Variants in PAPSS1 observed in about 807,000 individuals in gnomAD.
PAPSS1 encodes bifunctional 3'-phosphoadenosine 5'-phosphosulfate synthase 1.
Under a neutral mutation model 72.0 loss-of-function variants are expected in PAPSS1, and 50 were observed. The observed-to-expected ratio is 0.69, with a 90% CI of 0.55 to 0.88. The LOEUF (loss-of-function observed/expected upper bound fraction) is 0.88, where lower values mean the gene tolerates loss of function less well. Among genes scored for constraint, PAPSS1 ranks in the 40% least tolerant of loss-of-function variants. PAPSS1 has a pLI of 0.00. For synonymous variants in PAPSS1, 261 were observed against 263.6 expected (o/e 0.99, Z 0.09); for missense variants, 657 against 782.2 (o/e 0.84, Z 1.91).
chr4:107,626,497 A>T (rs112863381), intron 11 of PAPSS1, among the ~76,000 whole-genome samples: 3,369 of 152,310 alleles, frequency 0.022, 63 homozygotes, highest in Non-Finnish European at 0.028. Context: ...TTGTAGTCCT[A>T]AAACTAAATT....
intron 5 of PAPSS1, among the ~76,000 whole-genome samples, chr4:107,673,476 AT>A (rs1727552813): frequency 6.6e-6 from 1 of 152,218 alleles, no homozygotes; most frequent in Non-Finnish European, 1.5e-5. Flanking sequence ...GGAAGATTAA[AT>A]GAATGAAATG....
chr4:107,656,763 G>A (rs1727022737), intron 7 of PAPSS1, 133 bp downstream of exon 7: 1 of 656,454 alleles, frequency 1.5e-6, no homozygotes, highest in South Asian at 1.9e-5. Flanking sequence ...GTTCGGTACT[G>A]ATATAACTTA....
chr4:107,660,507 G>T (rs560767265), intron 5 of PAPSS1, among the ~76,000 whole-genome samples: 1 of 152,014 alleles, frequency 6.6e-6, no homozygotes, highest in Non-Finnish European at 1.5e-5. Context: ...TTTTACCCAA[G>T]CAACACGGTA....
intron 11 of PAPSS1, among the ~76,000 whole-genome samples, chr4:107,618,332 A>C (rs1289474987): frequency 6.6e-6 from 1 of 152,038 alleles, no homozygotes; most frequent in African/African-American, 2.4e-5. Flanking sequence ...AAAGAGATAG[A>C]GCAGTGAAAT....
intron 11 of PAPSS1, among the ~76,000 whole-genome samples, chr4:107,630,285 G>A (rs549582401): frequency 3.3e-5 from 5 of 152,236 alleles, no homozygotes; most frequent in South Asian, 2.1e-4. Context: ...GTCCCCTCAC[G>A]TATGTTTGAT....
chr4:107,676,950 A>C (rs1231535457), intron 5 of PAPSS1, among the ~76,000 whole-genome samples: 1 of 152,256 alleles, frequency 6.6e-6, no homozygotes, highest in Non-Finnish European at 1.5e-5. Flanking sequence ...TTCCCTATTT[A>C]ATAAATGGTG....
chr4:107,700,156 A>G (rs1723170790), intron 2 of PAPSS1, among the ~76,000 whole-genome samples: 1 of 152,218 alleles, frequency 6.6e-6, no homozygotes, highest in Non-Finnish European at 1.5e-5. Flanking sequence ...AAAAAAACAA[A>G]AGAGTAACTT....
chr4:107,711,886 G>A (rs946294704), intron 1 of PAPSS1, among the ~76,000 whole-genome samples: 2 of 152,164 alleles, frequency 1.3e-5, no homozygotes, highest in Admixed American at 6.5e-5. Context: ...AGGATGTTGA[G>A]AAAACAACTT....
At chr4:107,697,098 C>T (rs956994232) in intron 2 of PAPSS1, among the ~76,000 whole-genome samples, 1 of 152,152 alleles carries the variant, frequency 6.6e-6, no homozygotes, top group Non-Finnish European at 1.5e-5. Flanking sequence ...TTGAGACCAC[C>T]ATGCTAACGT....
chr4:107,712,789 C>T (rs919773562), intron 1 of PAPSS1, among the ~76,000 whole-genome samples: 2 of 151,398 alleles, frequency 1.3e-5, no homozygotes, highest in Admixed American at 1.3e-4. Flanking sequence ...AGGAGAACAG[C>T]TTGAACCAGG....
chr4:107,637,734 G>A (rs1426601569), intron 10 of PAPSS1, among the ~76,000 whole-genome samples: 1 of 152,064 alleles, frequency 6.6e-6, no homozygotes, highest in Non-Finnish European at 1.5e-5. Context: ...AAGAACATCA[G>A]GCACAGAAAC....
At chr4:107,673,063 G>A (rs113713578) in intron 5 of PAPSS1, among the ~76,000 whole-genome samples, 5,714 of 152,114 alleles carry the variant, frequency 0.038, 327 homozygotes, top group African/African-American at 0.13. Flanking sequence ...CCATCTGTAC[G>A]TCACCATCAT....
At chr4:107,626,706 CG>C (rs1372772942) in intron 11 of PAPSS1, among the ~76,000 whole-genome samples, 4 of 152,120 alleles carry the variant, frequency 2.6e-5, no homozygotes, top group Non-Finnish European at 5.9e-5. Context: ...TAAAACCTGG[CG>C]CTGAGTAACA....
At position 107,702,878 on chromosome 4, in the gene PAPSS1, T is replaced by C. The variant is rs6836912; in HGVS notation, c.61-1593A>G. On this transcript the variant is annotated intron_variant, in intron 1 of 11. Transcript: ENST00000265174. Reference sequence around the variant, plus strand: ...CATCCTTTCATTATACACCTAGTAGTGGGATTGCTGGATCATATGGTAGTT... The same window carrying C: ...CATCCTTTCATTATACACCTAGTAGCGGGATTGCTGGATCATATGGTAGTT... Among the ~76,000 whole-genome samples the C allele has an allele frequency of 5.5e-3, 843 of 152,316 alleles. 8 individuals are homozygous for C. The highest frequency in any genetic ancestry group is 0.019 in the African/African-American group (792 of 41,574).
At chr4:107,615,797 C>A (rs1725804891) in intron 11 of PAPSS1, among the ~76,000 whole-genome samples, 1 of 152,060 alleles carries the variant, frequency 6.6e-6, no homozygotes, top group Non-Finnish European at 1.5e-5. Flanking sequence ...TTAAATGAGG[C>A]CAAAAGGGTG....
At chr4:107,704,546 T>G (rs1723286760) in intron 1 of PAPSS1, among the ~76,000 whole-genome samples, 1 of 152,280 alleles carries the variant, frequency 6.6e-6, no homozygotes, top group South Asian at 2.1e-4. Context: ...TTGTTGAGAG[T>G]TTTTATCATA....
chr4:107,703,435 CCTAAA>C (rs980026521), intron 1 of PAPSS1, among the ~76,000 whole-genome samples: 3 of 150,706 alleles, frequency 2.0e-5, no homozygotes, highest in East Asian at 3.9e-4. Context: ...AAAATCACTG[CCTAAA>C]CTAGTGTCAT....
chr4:107,669,809 C>A (rs911184752), intron 5 of PAPSS1, among the ~76,000 whole-genome samples: 51 of 152,300 alleles, frequency 3.3e-4, no homozygotes, highest in African/African-American at 1.2e-3. Context: ...AAGAAAATTT[C>A]TCTCTCCTAA....
At position 107,720,166 on chromosome 4, in the gene PAPSS1, C is replaced by G. The variant is rs567071527; in HGVS notation, c.14G>C (p.Gly5Ala). 3 of 1,604,212 alleles carry G rather than the reference C, an allele frequency of 1.9e-6. No individual in the cohort carries two copies. Reference protein sequence around the residue: MEIPGSLCKKVKLSN... With the variant: MEIPASLCKKVKLSN... ...CAGTTTGACTTTCTTGCACAGGCTC[C>G]CGGGGATCTCCATGACCGCGGAGCG... The change falls in exon 1 of 12, where the codon GGG becomes GCG. Residue 5 changes from glycine to alanine, a missense_variant. Transcript: ENST00000265174.
Sources: allele counts gnomAD v4.1 joint callset (sites outside exome capture counted in the v4.1 genomes callset), GRCh38; gene constraint gnomAD v4.1.1; transcripts MANE v1.5; gene names NCBI Gene and HGNC (gene_info 2026-07-23, HGNC 2026-07-21).